The following FGD4 variants were observed in gnomAD, a reference collection of about 807,000 sequenced individuals.
FGD4 encodes the protein FYVE, RhoGEF and PH domain containing 4.
FGD4 carries 42 observed loss-of-function variants against 102.0 expected under a neutral mutation model. The observed-to-expected ratio is 0.41, with a 90% CI of 0.32 to 0.53. The LOEUF (loss-of-function observed/expected upper bound fraction) is 0.53. Among genes scored for constraint, FGD4 ranks in the 20% least tolerant of loss-of-function variants. The pLI is 0.21. For synonymous variants in FGD4, 380 were observed against 375.7 expected (o/e 1.01, Z -0.13); for missense variants, 902 against 1,078.2 (o/e 0.84, Z 2.29).
At chr12:32,410,915 G>A (rs919566205) in intron 1 of FGD4, among the ~76,000 whole-genome samples, 11 of 149,148 alleles carry the variant, frequency 7.4e-5, no homozygotes, top group African/African-American at 2.7e-4. Flanking sequence ...ACTTTACAAT[G>A]AACTCTTTTT....
chr12:32,504,229 A>G (rs2136635368), intron 1 of FGD4, among the ~76,000 whole-genome samples: 1 of 152,306 alleles, frequency 6.6e-6, no homozygotes, highest in African/African-American at 2.4e-5. Context: ...CACCACTAAC[A>G]AGAAACTTAG....
chr12:32,516,184 A>T (rs1939861430), intron 1 of FGD4, among the ~76,000 whole-genome samples: 1 of 152,160 alleles, frequency 6.6e-6, no homozygotes, highest in Non-Finnish European at 1.5e-5. Context: ...TTTAGACAGG[A>T]TCTCACTGTT....
chr12:32,556,162 C>G (rs1459336303), intron 1 of FGD4, among the ~76,000 whole-genome samples: 1 of 152,002 alleles, frequency 6.6e-6, no homozygotes, highest in Non-Finnish European at 1.5e-5. Context: ...TTTTAAAGAG[C>G]CTTTAATATG....
At chr12:32,556,050 G>A (rs75631886) in intron 1 of FGD4, among the ~76,000 whole-genome samples, 1,587 of 151,898 alleles carry the variant, frequency 0.01, 37 homozygotes, top group African/African-American at 0.036. Flanking sequence ...CTGTGTTGCC[G>A]AAGCTAGTCT....
intron 10 of FGD4, among the ~76,000 whole-genome samples, chr12:32,618,400 C>T (rs1047464931): frequency 1.3e-5 from 2 of 151,950 alleles, no homozygotes; most frequent in African/African-American, 4.8e-5. Context: ...ACTTAGCAAG[C>T]AAGCTGTGGC....
At chr12:32,576,988 CAA>C (rs1319442972) in intron 3 of FGD4, among the ~76,000 whole-genome samples, 1 of 152,042 alleles carries the variant, frequency 6.6e-6, no homozygotes, top group Non-Finnish European at 1.5e-5. Flanking sequence ...CTAGGTTTTG[CAA>C]AGAGATATTA....
intron 10 of FGD4, among the ~76,000 whole-genome samples, chr12:32,616,574 T>G (rs1001456402): frequency 6.6e-6 from 1 of 152,220 alleles, no homozygotes; most frequent in Non-Finnish European, 1.5e-5. Flanking sequence ...ATGGAACCTC[T>G]TGTTCTTTTA....
intron 1 of FGD4, among the ~76,000 whole-genome samples, chr12:32,478,630 A>T (rs891786902): frequency 1.3e-5 from 2 of 152,232 alleles, no homozygotes; most frequent in African/African-American, 4.8e-5. Context: ...TATTTGGGAT[A>T]GCACAAGCTT....
chr12:32,416,214 G>A (rs1941407174), intron 1 of FGD4, among the ~76,000 whole-genome samples: 1 of 152,180 alleles, frequency 6.6e-6, no homozygotes, highest in Non-Finnish European at 1.5e-5. Flanking sequence ...TGCCCAGGCT[G>A]GTCTTGAACT....
At chr12:32,532,617 A>G (rs988762061) in intron 1 of FGD4, among the ~76,000 whole-genome samples, 2 of 151,998 alleles carry the variant, frequency 1.3e-5, no homozygotes, top group Non-Finnish European at 2.9e-5. Context: ...CTGAGATTAC[A>G]ATTTAAACAT....
Position 32,428,856 on chromosome 12 carries a change from C to CT in FGD4, c.166+28898dup, listed in dbSNP as rs1941942254. Reference sequence around the variant, plus strand: ...TGTTATGCTTCACAAAGTTCTCATGCTGTATTTTTCACCTCCATCAGGTCA... The same window carrying CT: ...TGTTATGCTTCACAAAGTTCTCATGCTTGTATTTTTCACCTCCATCAGGTCA... On this transcript the variant is annotated intron_variant, in intron 1 of 16. Transcript: ENST00000534526. 2.0e-5 allele frequency among the ~76,000 whole-genome samples: 3 copies of CT among 152,298 alleles called. No individual in the cohort carries two copies. The South Asian group carries it at 6.2e-4, about 32-fold the overall frequency.
intron 10 of FGD4, among the ~76,000 whole-genome samples, chr12:32,615,684 A>G (rs571160609): frequency 3.9e-4 from 59 of 152,082 alleles, no homozygotes; most frequent in African/African-American, 1.4e-3. Context: ...GCGGGAGAGC[A>G]GTGGGGAAGC....
chr12:32,474,769 G>A (rs1270527351), intron 1 of FGD4, among the ~76,000 whole-genome samples: 5 of 152,106 alleles, frequency 3.3e-5, no homozygotes, highest in Non-Finnish European at 5.9e-5. Context: ...GCCAGGCATG[G>A]TGTCGTGTGC....
intron 1 of FGD4, among the ~76,000 whole-genome samples, chr12:32,482,972 T>C (rs966644626): frequency 2.0e-5 from 3 of 152,220 alleles, no homozygotes; most frequent in Non-Finnish European, 4.4e-5. Context: ...TTGAGGTTGT[T>C]ATGAGGAGAG....
At chr12:32,454,749 T>A (rs1353763932) in intron 1 of FGD4, among the ~76,000 whole-genome samples, 4 of 152,168 alleles carry the variant, frequency 2.6e-5, no homozygotes, top group Non-Finnish European at 2.9e-5. Context: ...GACCAAATAT[T>A]TTGCTGGTAT....
chr12:32,634,085 G>A (rs1221258582), intron 15 of FGD4, among the ~76,000 whole-genome samples: 1 of 152,184 alleles, frequency 6.6e-6, no homozygotes, highest in East Asian at 1.9e-4. Context: ...TAATGAGCAA[G>A]ATTTATGCTT....
intron 1 of FGD4, among the ~76,000 whole-genome samples, chr12:32,515,056 G>T (rs1481853691): frequency 5.9e-5 from 9 of 152,094 alleles, no homozygotes; most frequent in Admixed American, 5.9e-4. Flanking sequence ...CCAGCTTTTG[G>T]CTCAGCACAG....
In FGD4 at chr12:32,575,243, G is replaced by T. The variant is rs188924199; in HGVS notation, c.320-1023G>T. 3.9e-5 allele frequency among the ~76,000 whole-genome samples: 6 copies of T among 152,260 alleles called. No homozygotes were observed. The East Asian group carries it at 1.2e-3, about 29-fold the overall frequency. On this transcript the variant is annotated intron_variant, in intron 2 of 16. Transcript: ENST00000534526. Reference sequence around the variant, plus strand: ...CCGAAGCTGGGTAATTTATGAAGAGGCTTATTGGGCTCACAGTTCTGCAGG... The same window carrying T: ...CCGAAGCTGGGTAATTTATGAAGAGTCTTATTGGGCTCACAGTTCTGCAGG...
At chr12:32,449,559 T>A (rs541965978) in intron 1 of FGD4, among the ~76,000 whole-genome samples, 1 of 152,364 alleles carries the variant, frequency 6.6e-6, no homozygotes, top group East Asian at 1.9e-4. Flanking sequence ...ATAGAACTGA[T>A]GCTGTGTTCT....
Sources: gnomAD v4.1 joint callset for allele counts (sites outside exome capture counted in the v4.1 genomes callset) on GRCh38, gnomAD v4.1.1 for gene constraint, MANE v1.5 for transcripts, NCBI Gene and HGNC (gene_info 2026-07-23, HGNC 2026-07-21) for gene names.